PDE4D: variants seen among roughly 807,000 people sequenced by gnomAD.
PDE4D encodes phosphodiesterase 4D, also known as 3',5'-cyclic-AMP phosphodiesterase 4D.
PDE4D carries 24 observed loss-of-function variants against 87.4 expected under a neutral mutation model. The observed-to-expected ratio is 0.27, with a 90% CI of 0.20 to 0.39. PDE4D has a LOEUF of 0.39. Among genes scored for constraint, PDE4D ranks in the 10% least tolerant of loss-of-function variants. PDE4D has a pLI of 1.00. For missense variants in PDE4D, 714 were observed against 1,041.0 expected (o/e 0.69, Z 4.32); for synonymous variants, 384 against 383.2 (o/e 1.00, Z -0.02).
chr5:59,236,216 C>T (rs181938683), intron 1 of PDE4D, among the ~76,000 whole-genome samples: 99 of 152,208 alleles, frequency 6.5e-4, no homozygotes, highest in South Asian at 3.5e-3. Flanking sequence ...GTATTTATAA[C>T]GCAAAGATAA....
intron 1 of PDE4D, among the ~76,000 whole-genome samples, chr5:59,261,013 G>A (rs1261881005): frequency 6.6e-6 from 1 of 150,834 alleles, no homozygotes; most frequent in Admixed American, 6.6e-5. Flanking sequence ...TAGCCATATA[G>A]AACTGGAGCT....
chr5:59,988,211 C>A, intron 3 of PDE4D: 1 of 320,742 alleles, frequency 3.1e-6, no homozygotes, highest in Non-Finnish European at 5.7e-6. Flanking sequence ...CACATATGGC[C>A]AATATTAATT....
At chr5:60,378,053 G>A (rs1761561498) in intron 1 of PDE4D, among the ~76,000 whole-genome samples, 1 of 152,170 alleles carries the variant, frequency 6.6e-6, no homozygotes. Context: ...TTTGTCCAAT[G>A]GGTGAATCAT....
At chr5:59,302,881 T>C (rs866599387) in intron 1 of PDE4D, among the ~76,000 whole-genome samples, 24 of 152,322 alleles carry the variant, frequency 1.6e-4, no homozygotes, top group Middle Eastern at 3.4e-3. Context: ...ATGACTTCTT[T>C]TCCTCTGGGT....
intron 1 of PDE4D, among the ~76,000 whole-genome samples, chr5:59,272,531 AT>A (rs149709000): frequency 2.0e-5 from 3 of 152,120 alleles, no homozygotes; most frequent in South Asian, 2.1e-4. Context: ...ATGCAGGCAC[AT>A]TTTTTTAAAA....
At chr5:60,129,338 A>C (rs2149394587) in intron 2 of PDE4D, among the ~76,000 whole-genome samples, 1 of 152,344 alleles carries the variant, frequency 6.6e-6, no homozygotes, top group East Asian at 1.9e-4. Flanking sequence ...TGGTATAATA[A>C]TGGAACTTGA....
intron 5 of PDE4D, among the ~76,000 whole-genome samples, chr5:59,054,129 C>T (rs565797251): frequency 2.6e-5 from 4 of 152,194 alleles, no homozygotes; most frequent in Admixed American, 2.6e-4. Context: ...TTATACCTGT[C>T]CACCTTGAAA....
At chr5:59,244,664 ATGTATGTGTGTGTGTC>A (rs1758429627) in intron 1 of PDE4D, among the ~76,000 whole-genome samples, 1 of 123,888 alleles carries the variant, frequency 8.1e-6, no homozygotes. Context: ...AGATATATGT[ATGTATGTGTGTGTGTC>A]TGTGTGTGTG....
chr5:59,919,999 T>A (rs931862237), intron 3 of PDE4D, among the ~76,000 whole-genome samples: 1 of 152,238 alleles, frequency 6.6e-6, no homozygotes, highest in Non-Finnish European at 1.5e-5. Context: ...GATATAAGTA[T>A]GAAATCTTGA....
chr5:59,753,425 G>T (rs1378269395), intron 1 of PDE4D, among the ~76,000 whole-genome samples: 15 of 152,126 alleles, frequency 9.9e-5, no homozygotes. Flanking sequence ...AAATCAAAAA[G>T]GGGGGCACAG....
intron 1 of PDE4D, among the ~76,000 whole-genome samples, chr5:59,613,668 A>G (rs746013977): frequency 2.6e-5 from 4 of 152,156 alleles, no homozygotes; most frequent in Non-Finnish European, 5.9e-5. Context: ...TCTTCTCTAA[A>G]TGGTAGGTAT....
At chr5:60,127,166 C>G (rs543465959) in intron 2 of PDE4D, among the ~76,000 whole-genome samples, 6 of 151,966 alleles carry the variant, frequency 3.9e-5, no homozygotes, top group Non-Finnish European at 8.8e-5. Context: ...GGTGGAAAGT[C>G]GGTGTACAAG....
intron 1 of PDE4D, among the ~76,000 whole-genome samples, chr5:59,741,736 T>C (rs948199945): frequency 1.3e-5 from 2 of 152,196 alleles, no homozygotes; most frequent in African/African-American, 4.8e-5. Flanking sequence ...ATTACGTTTT[T>C]CTAGTAGTTA....
At chr5:60,160,405 C>A (rs1782368847) in intron 2 of PDE4D, among the ~76,000 whole-genome samples, 1 of 152,022 alleles carries the variant, frequency 6.6e-6, no homozygotes, top group African/African-American at 2.4e-5. Context: ...TCTGAAAAGC[C>A]ATGCAAACTT....
chr5:60,064,226 A>G (rs931570823), intron 2 of PDE4D, among the ~76,000 whole-genome samples: 1 of 152,164 alleles, frequency 6.6e-6, no homozygotes, highest in African/African-American at 2.4e-5. Flanking sequence ...TTTACTGTGT[A>G]CCAAAGAATG....
At chr5:59,613,933 A>G (rs1026002226) in intron 1 of PDE4D, among the ~76,000 whole-genome samples, 2 of 152,184 alleles carry the variant, frequency 1.3e-5, no homozygotes, top group African/African-American at 4.8e-5. Flanking sequence ...ATGCTTCACC[A>G]TGAAGATTAT....
chr5:59,399,448 C>T (rs1423894430), intron 1 of PDE4D, among the ~76,000 whole-genome samples: 2 of 138,064 alleles, frequency 1.4e-5, no homozygotes, highest in African/African-American at 2.5e-5. Flanking sequence ...ACTATCTGAT[C>T]TTTGACAAAC....
At chr5:58,990,956 T>C (rs1384420462) in intron 8 of PDE4D, 54 bp from the exon 9 acceptor site, 1 of 977,568 alleles carries the variant, frequency 1.0e-6, no homozygotes, top group Non-Finnish European at 1.5e-6. Flanking sequence ...GAGTAAAATA[T>C]GACTCAATGA....
chr5:59,054,300 G>T (rs1376012852), intron 5 of PDE4D, among the ~76,000 whole-genome samples: 1 of 151,976 alleles, frequency 6.6e-6, no homozygotes, highest in East Asian at 1.9e-4. Flanking sequence ...TGAAGCAGTG[G>T]CTTACAAAGT....
Sources: gnomAD v4.1 joint callset for allele counts (sites outside exome capture counted in the v4.1 genomes callset) on GRCh38, gnomAD v4.1.1 for gene constraint, MANE v1.5 for transcripts, NCBI Gene and HGNC (gene_info 2026-07-23, HGNC 2026-07-21) for gene names.